The following DCST2 variants were observed in gnomAD, a reference collection of about 807,000 sequenced individuals.
The protein encoded by DCST2 is DC-STAMP domain containing 2, also known as DC-STAMP domain-containing protein 2.
DCST2 carries 64 observed loss-of-function variants against 81.8 expected under a neutral mutation model. The ratio of observed to expected loss-of-function variants is 0.78; its 90% CI spans 0.64 to 0.96. The LOEUF (loss-of-function observed/expected upper bound fraction) is 0.96, where lower values mean the gene tolerates loss of function less well. DCST2 is among the 40% of genes least tolerant of loss of function. The probability of loss-of-function intolerance (pLI) is 0.00; values close to 1 mark genes in which losing one functional copy is unlikely to be tolerated. For missense variants in DCST2, 945 were observed against 1,001.4 expected, an observed-to-expected ratio of 0.94 and a Z score of 0.76; for synonymous variants, 354 against 402.6, an observed-to-expected ratio of 0.88 and a Z score of 1.44.
intron 10 of DCST2, among the ~76,000 whole-genome samples, chr1:155,025,417 C>T (rs1189087208): frequency 1.3e-5 from 2 of 151,484 alleles, no homozygotes; most frequent in African/African-American, 4.9e-5. Flanking sequence ...CAACCTCCAC[C>T]TTCCGGGTTC....
At chr1:155,022,277 T>C (rs1490639737) in intron 14 of DCST2, among the ~76,000 whole-genome samples, 1 of 152,058 alleles carries the variant, frequency 6.6e-6, no homozygotes, top group Non-Finnish European at 1.5e-5. Flanking sequence ...TCCAACCTCA[T>C]CTCCCAGCAT....
chr1:155,033,148 G>A lies in DCST2; in HGVS notation c.385C>T (p.Leu129=). 6.2e-7 allele frequency: 1 copy of A among 1,609,144 alleles called. No homozygotes were observed. Among genetic ancestry groups the A allele is most frequent in the Non-Finnish European group, 8.5e-7 (1 of 1,177,608 alleles). The change falls in exon 2 of 15, where the codon CTG becomes TTG. Residue 129 remains leucine, a synonymous_variant. Coordinates refer to ENST00000368424, the MANE Select transcript of DCST2 (RefSeq NM_144622.3). ...ACTTCGGCGGTCTGGTTCAGGGCCA[G>A]CTCTGCCCCACAGGCTACAGCCTCG... ...ASEAVACGAE[L]ALNQTAEVLQ... is the part of the protein sequence containing the mutation.
At position 155,026,690 on chromosome 1, in the gene DCST2, C is replaced by T; in HGVS notation, c.1368G>A (p.Val456=). The change falls in exon 9 of 15, where the codon GTG becomes GTA. Residue 456 remains valine, a synonymous_variant. Coordinates refer to ENST00000368424, the MANE Select transcript of DCST2 (RefSeq NM_144622.3). ...TATTCCCAGCGTAGCCAGTACCTTC[C>T]ACGGTTAGAGACACCAACACAGGAC... ...ARSPVLVSLT[V]EGTGYAGNIY... The T allele has an allele frequency of 6.2e-7, 1 of 1,614,198 alleles. No homozygotes were observed. The highest frequency in any genetic ancestry group is 8.5e-7 in the Non-Finnish European group (1 of 1,180,042).
chr1:155,027,009 G>A (rs1477366830), intron 8 of DCST2, among the ~76,000 whole-genome samples: 1 of 151,910 alleles, frequency 6.6e-6, no homozygotes, highest in Non-Finnish European at 1.5e-5. Context: ...CGGCCTCCAT[G>A]ACCACCCAGA....
intron 12 of DCST2, 113 bp from the exon 13 acceptor site, chr1:155,023,570 G>A (rs1659813750): frequency 6.5e-7 from 1 of 1,547,190 alleles, no homozygotes; most frequent in Non-Finnish European, 8.7e-7. Context: ...AACCATCCTT[G>A]TCAAGGGGTG....
intron 7 of DCST2, among the ~76,000 whole-genome samples, chr1:155,029,686 G>C (rs1476563601): frequency 6.6e-6 from 1 of 151,874 alleles, no homozygotes; most frequent in Non-Finnish European, 1.5e-5. Flanking sequence ...CCCCTTACCT[G>C]CCTCCCCACC....
intron 7 of DCST2, 39 bp from the exon 8 acceptor site, chr1:155,029,436 T>C (rs758861084): frequency 3.7e-6 from 6 of 1,601,490 alleles, no homozygotes; most frequent in Non-Finnish European, 5.1e-6. Flanking sequence ...TGCTCCCCAG[T>C]TCTCCCGTCC....
At chr1:155,024,722 T>G in intron 10 of DCST2, 120 bp from the exon 11 acceptor site, 1 of 1,182,172 alleles carries the variant, frequency 8.5e-7, no homozygotes, top group Non-Finnish European at 1.1e-6. Flanking sequence ...CCTCTAGGTT[T>G]GGCTCAAATG....
At chr1:155,021,648 C>T (rs1320979628) in intron 14 of DCST2, among the ~76,000 whole-genome samples, 1 of 151,956 alleles carries the variant, frequency 6.6e-6, no homozygotes, top group Non-Finnish European at 1.5e-5. Flanking sequence ...GGATGCCCTA[C>T]AGACACCTCA....
At chr1:155,032,295 C>A (rs1660117047) in intron 3 of DCST2, among the ~76,000 whole-genome samples, 1 of 146,584 alleles carries the variant, frequency 6.8e-6, no homozygotes. Flanking sequence ...CCTGGCCCCC[C>A]CGCTTTTTTT....
In DCST2 at chr1:155,023,046, G is replaced by C. The variant is rs1045505648; in HGVS notation, c.2105+71C>G. On this transcript the variant is annotated intron_variant, in intron 14 of 14. Coordinates refer to ENST00000368424, the MANE Select transcript of DCST2 (RefSeq NM_144622.3). ...GGCAAAGGTCCAGACACCCAGGAAG[G>C]CCTTTGCAAATGGAACAGAACATGC... 55 of 1,552,340 alleles carry C rather than the reference G, an allele frequency of 3.5e-5. No individual in the cohort carries two copies. The South Asian group carries it at 5.7e-4, about 16-fold the overall frequency.
Position 155,031,171 on chromosome 1 carries a change from G to A in DCST2, c.803C>T (p.Thr268Ile), listed in dbSNP as rs1660062658. Residue 268 changes from threonine (T) to isoleucine (I), a missense_variant and splice_region_variant, in exon 5 of 15, where the codon ACC (threonine) becomes ATC (isoleucine). Transcript: ENST00000368424. ...IQPFLRQTIG[T>I]PVIQLLNRVR... is the part of the protein sequence containing the mutation. ...TGTGGCAGGAGGGGGTCACTCACGG[G>A]TGCCGATGGTCTGGCGCAAGAAGGG... The A allele has an allele frequency of 6.3e-7, 1 of 1,589,896 alleles. No individual in the cohort carries two copies. Among genetic ancestry groups the A allele is most frequent in the Non-Finnish European group, 8.5e-7 (1 of 1,171,286 alleles).
chr1:155,024,373 A>T, intron 11 of DCST2, 99 bp downstream of exon 11: 1 of 1,443,900 alleles, frequency 6.9e-7, no homozygotes, highest in African/African-American at 1.4e-5. Context: ...TCTTCAACCA[A>T]ATCTCTTGAC....
At chr1:155,029,184 A>AG in intron 8 of DCST2, 49 bp downstream of exon 8, 1 of 1,599,642 alleles carries the variant, frequency 6.3e-7, no homozygotes, top group South Asian at 1.1e-5. Context: ...AAACAGGCCG[A>AG]GGGGGCTGCA....
At chr1:155,024,008 C>T in intron 11 of DCST2, 49 bp from the exon 12 acceptor site, 2 of 1,587,820 alleles carry the variant, frequency 1.3e-6, no homozygotes, top group Non-Finnish European at 1.7e-6. Context: ...GCCAGCTTAA[C>T]CCTCCCCACT....
intron 14 of DCST2, among the ~76,000 whole-genome samples, chr1:155,020,978 A>G (rs1659736634): frequency 6.6e-6 from 1 of 151,712 alleles, no homozygotes; most frequent in Admixed American, 6.6e-5. Context: ...GCACGCCACC[A>G]TGCCCAGCTA....
chr1:155,026,217 C>A, intron 10 of DCST2, 85 bp downstream of exon 10: 1 of 1,327,630 alleles, frequency 7.5e-7, no homozygotes, highest in South Asian at 1.2e-5. Context: ...TGAAGGAAGT[C>A]AGCTCCCAAA....
At chr1:155,028,334 T>C (rs925714975) in intron 8 of DCST2, among the ~76,000 whole-genome samples, 3 of 152,158 alleles carry the variant, frequency 2.0e-5, no homozygotes, top group African/African-American at 7.2e-5. Flanking sequence ...CTCACGCCTG[T>C]AATACCAACA....
Position 155,031,590 on chromosome 1 carries a change from G to C in DCST2, c.723C>G (p.Leu241=), listed in dbSNP as rs751757186. 7.2e-7 allele frequency: 1 copy of C among 1,395,820 alleles called. No individual in the cohort carries two copies. Among genetic ancestry groups the C allele is most frequent in the Admixed American group, 2.0e-5 (1 of 50,818 alleles). 86.5% of individuals were successfully genotyped at this position (1,395,820 alleles called of 1,614,324 possible). The change falls in exon 4 of 15, where the codon CTC becomes CTG. Residue 241 remains leucine (L), a synonymous_variant. Transcript: ENST00000368424. ...TTTTCTCACGGCTGGCAAGTCCACA[G>C]AGCGCCAGTTTGAAGGGCATGAGCA... ...CYVLMPFKLA[L]CGLASLVQVF...
Sources: gnomAD v4.1 joint callset for allele counts (sites outside exome capture counted in the v4.1 genomes callset) on GRCh38, gnomAD v4.1.1 for gene constraint, MANE v1.5 for transcripts, NCBI Gene and HGNC (gene_info 2026-07-23, HGNC 2026-07-21) for gene names.